AKAP6: variants seen among roughly 807,000 people sequenced by gnomAD.
The protein encoded by AKAP6 is A-kinase anchor protein 6.
A neutral mutation model predicts 188.5 loss-of-function variants in AKAP6; 58 were observed. The ratio of observed to expected loss-of-function variants is 0.31; its 90% CI spans 0.25 to 0.38. The LOEUF is 0.38. Ranked by LOEUF, AKAP6 falls within the 10% of genes least tolerant of loss-of-function variation. The probability of loss-of-function intolerance (pLI) is 1.00; values close to 1 mark genes in which losing one functional copy is unlikely to be tolerated. For missense variants in AKAP6, 2,710 were observed against 2,740.0 expected, an observed-to-expected ratio of 0.99 and a Z score of 0.24; for synonymous variants, 989 against 998.6, an observed-to-expected ratio of 0.99 and a Z score of 0.18.
chr14:32,757,461 T>A (rs1262451863), intron 11 of AKAP6, among the ~76,000 whole-genome samples: 4 of 152,192 alleles, frequency 2.6e-5, no homozygotes, highest in African/African-American at 9.7e-5. Flanking sequence ...ATGCTAACTG[T>A]TGGATCAGCC....
intron 7 of AKAP6, among the ~76,000 whole-genome samples, chr14:32,623,983 A>C (rs1267991163): frequency 6.6e-6 from 1 of 152,132 alleles, no homozygotes; most frequent in African/African-American, 2.4e-5. Context: ...TTGGGAGAAG[A>C]GAGTAGAGTG....
intron 2 of AKAP6, among the ~76,000 whole-genome samples, chr14:32,463,123 GAGACTT>G (rs898025697): frequency 3.3e-5 from 5 of 151,970 alleles, no homozygotes; most frequent in African/African-American, 4.8e-5. Flanking sequence ...GACTGACAAA[GAGACTT>G]AGACTCCCAC....
At chr14:32,468,417 A>G (rs902788679) in intron 2 of AKAP6, among the ~76,000 whole-genome samples, 5 of 152,128 alleles carry the variant, frequency 3.3e-5, no homozygotes, top group African/African-American at 9.7e-5. Flanking sequence ...TTGCTCTTTC[A>G]TGTAGTAAAG....
intron 2 of AKAP6, among the ~76,000 whole-genome samples, chr14:32,443,051 C>T (rs1406603206): frequency 6.6e-6 from 1 of 151,830 alleles, no homozygotes; most frequent in Non-Finnish European, 1.5e-5. Context: ...TGTTAGAGAC[C>T]ATGGTTCTCA....
chr14:32,635,767 T>A (rs948288391), intron 7 of AKAP6, among the ~76,000 whole-genome samples: 1 of 152,120 alleles, frequency 6.6e-6, no homozygotes, highest in Non-Finnish European at 1.5e-5. Flanking sequence ...AAATGAGTGA[T>A]TAATTGTAAC....
chr14:32,380,402 T>C (rs1483734237), intron 1 of AKAP6, among the ~76,000 whole-genome samples: 4 of 152,220 alleles, frequency 2.6e-5, no homozygotes, highest in Admixed American at 6.5e-5. Context: ...CAACATTTTA[T>C]AGTTTATTTA....
At chr14:32,341,710 A>G (rs1207436276) in intron 1 of AKAP6, among the ~76,000 whole-genome samples, 3 of 152,202 alleles carry the variant, frequency 2.0e-5, no homozygotes, top group Non-Finnish European at 4.4e-5. Flanking sequence ...GGCTCCCAGA[A>G]TAATGTTTTA....
At chr14:32,418,510 G>A (rs1477455802) in intron 1 of AKAP6, among the ~76,000 whole-genome samples, 2 of 152,142 alleles carry the variant, frequency 1.3e-5, no homozygotes, top group Non-Finnish European at 2.9e-5. Context: ...CATGGCAGAG[G>A]GGAGAGAATA....
intron 1 of AKAP6, among the ~76,000 whole-genome samples, chr14:32,408,409 A>T (rs1302969604): frequency 1.3e-5 from 2 of 151,822 alleles, no homozygotes; most frequent in Non-Finnish European, 2.9e-5. Context: ...TAGGTCTCAG[A>T]TTAGCAATAA....
At chr14:32,346,420 G>A (rs1594523828) in intron 1 of AKAP6, among the ~76,000 whole-genome samples, 1 of 152,332 alleles carries the variant, frequency 6.6e-6, no homozygotes, top group South Asian at 2.1e-4. Flanking sequence ...TGTTTGTATT[G>A]CATTTTAGAA....
At chr14:32,735,908 T>C in intron 11 of AKAP6, 26 bp downstream of exon 11, 1 of 1,528,080 alleles carries the variant, frequency 6.5e-7, no homozygotes, top group Non-Finnish European at 8.9e-7. Flanking sequence ...TCAAAGTTGA[T>C]AAAAAGCTCT....
chr14:32,393,486 A>G (rs549981218), intron 1 of AKAP6, among the ~76,000 whole-genome samples: 35 of 152,280 alleles, frequency 2.3e-4, no homozygotes, highest in African/African-American at 7.9e-4. Flanking sequence ...CAGAAAAAGC[A>G]TATTAGTGGG....
chr14:32,591,948 G>A (rs145223038), intron 5 of AKAP6, among the ~76,000 whole-genome samples: 92 of 152,250 alleles, frequency 6.0e-4, no homozygotes, highest in African/African-American at 2.0e-3. Context: ...CTCAGCCAGG[G>A]TACAGTTTAC....
At chr14:32,727,905 G>A (rs2030952561) in intron 9 of AKAP6, among the ~76,000 whole-genome samples, 1 of 152,126 alleles carries the variant, frequency 6.6e-6, no homozygotes. Flanking sequence ...TTGAAGTGTT[G>A]GTGGTACTGA....
chr14:32,337,499 T>C (rs979781170), intron 1 of AKAP6, among the ~76,000 whole-genome samples: 1 of 152,070 alleles, frequency 6.6e-6, no homozygotes, highest in Admixed American at 6.5e-5. Flanking sequence ...AAGAATCAGA[T>C]TGGTGAATTA....
At chr14:32,627,190 C>T (rs1887059716) in intron 7 of AKAP6, among the ~76,000 whole-genome samples, 1 of 152,020 alleles carries the variant, frequency 6.6e-6, no homozygotes, top group South Asian at 2.1e-4. Flanking sequence ...TTGTATCTGT[C>T]CTTAGAGGAA....
At chr14:32,657,112 A>G (rs554571759) in intron 7 of AKAP6, among the ~76,000 whole-genome samples, 7 of 152,284 alleles carry the variant, frequency 4.6e-5, no homozygotes, top group African/African-American at 1.4e-4. Flanking sequence ...CAGATCCAGA[A>G]GAATGGCCAG....
At chr14:32,593,800 C>T (rs1172096090) in intron 5 of AKAP6, among the ~76,000 whole-genome samples, 2 of 152,138 alleles carry the variant, frequency 1.3e-5, no homozygotes, top group East Asian at 3.9e-4. Flanking sequence ...AATACCCAAT[C>T]ATTGGATTAT....
At chr14:32,616,358 C>G (rs1252019702) in intron 7 of AKAP6, among the ~76,000 whole-genome samples, 4 of 152,160 alleles carry the variant, frequency 2.6e-5, no homozygotes, top group Admixed American at 6.6e-5. Context: ...AGTCTAAACG[C>G]CCATCAATTG....
Sources: allele counts gnomAD v4.1 joint callset (sites outside exome capture counted in the v4.1 genomes callset), GRCh38; gene constraint gnomAD v4.1.1; transcripts MANE v1.5; gene names NCBI Gene and HGNC (gene_info 2026-07-23, HGNC 2026-07-21).